Variants in MAF observed in about 807,000 individuals in gnomAD.
MAF encodes the protein MAF bZIP transcription factor.
MAF carries 10 observed loss-of-function variants against 22.0 expected under a neutral mutation model. The ratio of observed to expected loss-of-function variants is 0.45; its 90% CI spans 0.28 to 0.77. The LOEUF (loss-of-function observed/expected upper bound fraction) is 0.77, where lower values mean the gene tolerates loss of function less well. Among genes scored for constraint, MAF ranks in the 30% least tolerant of loss-of-function variants. MAF has a pLI of 0.12. For missense variants in MAF, 544 were observed against 548.4 expected, an observed-to-expected ratio of 0.99 and a Z score of 0.08; for synonymous variants, 337 against 255.8, an observed-to-expected ratio of 1.32 and a Z score of -3.03.
the MAF span, among the ~76,000 whole-genome samples, chr16:79,422,201 A>AT: frequency 6.6e-6 from 1 of 152,144 alleles, no homozygotes; most frequent in Non-Finnish European, 1.5e-5. Flanking sequence ...TCTCTGCTTT[A>AT]TTTTGTTTTC....
the MAF span, among the ~76,000 whole-genome samples, chr16:79,392,571 T>C: frequency 7.9e-5 from 12 of 152,014 alleles, no homozygotes; most frequent in Middle Eastern, 3.4e-3. Flanking sequence ...CCAGCTGTAA[T>C]AGGCCACGGC....
chr16:79,467,937 C>CGGGGGG, the MAF span, among the ~76,000 whole-genome samples: 1 of 150,354 alleles, frequency 6.7e-6, no homozygotes, highest in African/African-American at 2.5e-5. Flanking sequence ...GGGTGGTGGT[C>CGGGGGG]GTGGGGGGGT....
chr16:79,279,363 A>G, the MAF span, among the ~76,000 whole-genome samples: 1 of 152,230 alleles, frequency 6.6e-6, no homozygotes, highest in Non-Finnish European at 1.5e-5. Flanking sequence ...ATGGGGCTGA[A>G]AGTTACAAGG....
chr16:79,372,773 A>G, the MAF span, among the ~76,000 whole-genome samples: 1 of 152,146 alleles, frequency 6.6e-6, no homozygotes, highest in African/African-American at 2.4e-5. Flanking sequence ...TGTCTGGTTC[A>G]GCTCCAACCT....
chr16:79,275,672 T>C, the MAF span, among the ~76,000 whole-genome samples: 2 of 152,210 alleles, frequency 1.3e-5, no homozygotes, highest in African/African-American at 4.8e-5. Context: ...GAATACATGC[T>C]GCTTTTTTTA....
chr16:79,598,352 A>C, intron 1 of MAF: 1 of 1,106,714 alleles, frequency 9.0e-7, no homozygotes, highest in East Asian at 4.4e-5. Context: ...AGAAGAAAAA[A>C]TATGTGAATG....
At chr16:79,246,757 T>C in the MAF span, among the ~76,000 whole-genome samples, 1 of 152,142 alleles carries the variant, frequency 6.6e-6, no homozygotes, top group East Asian at 1.9e-4. Context: ...GAATTCAACA[T>C]TGGAACTTTA....
the MAF span, among the ~76,000 whole-genome samples, chr16:79,275,908 G>GAGGC: frequency 1.3e-5 from 2 of 152,138 alleles, no homozygotes; most frequent in Non-Finnish European, 2.9e-5. Flanking sequence ...TTGGGAGGTC[G>GAGGC]AGGCAGGCAG....
chr16:79,337,025 C>T, the MAF span, among the ~76,000 whole-genome samples: 2 of 152,130 alleles, frequency 1.3e-5, no homozygotes, highest in Non-Finnish European at 2.9e-5. Context: ...TCAAATAAAT[C>T]ATCAGACTGT....
At chr16:79,208,799 C>T in the MAF span, among the ~76,000 whole-genome samples, 1 of 152,162 alleles carries the variant, frequency 6.6e-6, no homozygotes, top group Non-Finnish European at 1.5e-5. Flanking sequence ...CACATCTGAT[C>T]ATATTAAGAT....
the MAF span, among the ~76,000 whole-genome samples, chr16:79,215,441 G>C: frequency 7.9e-5 from 12 of 152,240 alleles, no homozygotes; most frequent in South Asian, 2.5e-3. Flanking sequence ...AGCATTTGGT[G>C]GAAGTGAAAG....
chr16:79,457,543 T>G, the MAF span, among the ~76,000 whole-genome samples: 3 of 152,168 alleles, frequency 2.0e-5, no homozygotes, highest in African/African-American at 7.2e-5. Context: ...ATCTGAAATA[T>G]GCTGACAATA....
the MAF span, among the ~76,000 whole-genome samples, chr16:79,482,523 GC>G: frequency 6.6e-6 from 1 of 152,158 alleles, no homozygotes; most frequent in Non-Finnish European, 1.5e-5. Context: ...ATAAGAAGGA[GC>G]ACAATCTGAT....
the MAF span, among the ~76,000 whole-genome samples, chr16:79,463,985 C>T: frequency 8.2e-5 from 12 of 146,740 alleles, no homozygotes; most frequent in African/African-American, 2.0e-4. Context: ...AAAAAAAATA[C>T]GGACGATAAA....
chr16:79,449,152 C>T, the MAF span, among the ~76,000 whole-genome samples: 2 of 152,108 alleles, frequency 1.3e-5, no homozygotes, highest in African/African-American at 2.4e-5. Context: ...TTTGTATTCC[C>T]AGGAGAATCT....
chr16:79,566,191 A>T, the MAF span, among the ~76,000 whole-genome samples: 1 of 152,216 alleles, frequency 6.6e-6, no homozygotes, highest in Non-Finnish European at 1.5e-5. Context: ...ATATATCTGT[A>T]AGGACCAATT....
the MAF span, among the ~76,000 whole-genome samples, chr16:79,415,848 C>A: frequency 6.6e-6 from 1 of 152,098 alleles, no homozygotes; most frequent in African/African-American, 2.4e-5. Context: ...ACTCTCAAGT[C>A]ACAAACCCCT....
At chr16:79,583,025 G>T (rs1289886430), downstream of MAF, among the ~76,000 whole-genome samples, 4 of 152,150 alleles carry the variant, frequency 2.6e-5, no homozygotes, top group Non-Finnish European at 5.9e-5. Flanking sequence ...AAAATATGTT[G>T]ATGGGTTCTG....
the MAF span, among the ~76,000 whole-genome samples, chr16:79,229,756 TC>T: frequency 1.3e-5 from 2 of 151,996 alleles, no homozygotes; most frequent in Non-Finnish European, 2.9e-5. Context: ...ACTTTGTACC[TC>T]CGGGATTCCT....
Sources: gnomAD v4.1 joint callset for allele counts (sites outside exome capture counted in the v4.1 genomes callset) on GRCh38, gnomAD v4.1.1 for gene constraint, MANE v1.5 for transcripts, NCBI Gene and HGNC (gene_info 2026-07-23, HGNC 2026-07-21) for gene names.